Variants in RBFOX1 observed in about 807,000 individuals in gnomAD.
RBFOX1 encodes the protein RNA binding fox-1 homolog 1.
A neutral mutation model predicts 57.7 loss-of-function variants in RBFOX1; 8 were observed. That is an observed-to-expected ratio of 0.14 (90% CI 0.08 to 0.25). The LOEUF is 0.25. Ranked by LOEUF, RBFOX1 falls within the 10% of genes least tolerant of loss-of-function variation. RBFOX1 has a pLI of 1.00. For synonymous variants in RBFOX1, 326 were observed against 222.4 expected, an observed-to-expected ratio of 1.47 and a Z score of -4.15; for missense variants, 611 against 548.5, an observed-to-expected ratio of 1.11 and a Z score of -1.14.
chr16:5,740,516 A>G (rs546854490), intron 3 of RBFOX1, among the ~76,000 whole-genome samples: 10 of 152,364 alleles, frequency 6.6e-5, no homozygotes, highest in South Asian at 2.1e-4. Flanking sequence ...TTAGGACTCA[A>G]TTGATTACAC....
At chr16:6,368,001 G>A (rs184849355) in intron 2 of RBFOX1, among the ~76,000 whole-genome samples, 76 of 152,264 alleles carry the variant, frequency 5.0e-4, no homozygotes, top group African/African-American at 1.7e-3. Context: ...ATCCATTTGT[G>A]TCTTGATTTG....
At chr16:5,323,631 G>T (rs2064476430) in intron 1 of RBFOX1, among the ~76,000 whole-genome samples, 1 of 152,256 alleles carries the variant, frequency 6.6e-6, no homozygotes, top group South Asian at 2.1e-4. Context: ...TAGCATGGAT[G>T]TGCTGGAAGC....
At chr16:6,610,366 C>T (rs768236296) in intron 2 of RBFOX1, among the ~76,000 whole-genome samples, 1 of 152,066 alleles carries the variant, frequency 6.6e-6, no homozygotes, top group Non-Finnish European at 1.5e-5. Context: ...ATCCCACTAT[C>T]ACCCAGGCTG....
In RBFOX1 at chr16:7,571,716, A is replaced by G. The variant is rs574578129; in HGVS notation, c.271-8061A>G. ...TGAGCTTATCAGGGAAGCTCTGCCA[A>G]GTGCCGCCTGGAAACCCACCTCTTG... On this transcript the variant is annotated intron_variant, in intron 5 of 15. Coordinates refer to ENST00000550418, the MANE Select transcript of RBFOX1 (RefSeq NM_018723.4). Among the ~76,000 whole-genome samples the G allele has an allele frequency of 2.6e-5, 4 of 152,194 alleles. No individual in the cohort carries two copies. In the East Asian group the frequency reaches 7.7e-4, roughly 29 times the overall value.
intron 2 of RBFOX1, among the ~76,000 whole-genome samples, chr16:6,485,384 G>C (rs2095455111): frequency 6.6e-6 from 1 of 151,732 alleles, no homozygotes; most frequent in Non-Finnish European, 1.5e-5. Context: ...CTCCCTCTGG[G>C]TATTTCTTCC....
At chr16:7,247,882 C>T (rs1012774106) in intron 4 of RBFOX1, among the ~76,000 whole-genome samples, 21 of 151,968 alleles carry the variant, frequency 1.4e-4, no homozygotes, top group African/African-American at 4.6e-4. Flanking sequence ...ACACTGGGGC[C>T]TATCAGAGGG....
intron 1 of RBFOX1, among the ~76,000 whole-genome samples, chr16:6,158,808 C>G (rs1358290718): frequency 6.6e-6 from 1 of 152,108 alleles, no homozygotes; most frequent in African/African-American, 2.4e-5. Flanking sequence ...GAGGGCACGT[C>G]TGGGAATTTG....
intron 2 of RBFOX1, among the ~76,000 whole-genome samples, chr16:6,591,303 G>T (rs1323257550): frequency 6.6e-6 from 1 of 152,000 alleles, no homozygotes; most frequent in Non-Finnish European, 1.5e-5. Context: ...TATTTTTTAA[G>T]TATTAGCCGG....
chr16:6,777,907 C>CT, intron 3 of RBFOX1, among the ~76,000 whole-genome samples: 1 of 152,112 alleles, frequency 6.6e-6, no homozygotes, highest in Admixed American at 6.6e-5. Flanking sequence ...ATTGAAATGA[C>CT]TTTTTCTGAG....
intron 4 of RBFOX1, among the ~76,000 whole-genome samples, chr16:7,323,810 G>C (rs1372618294): frequency 6.6e-6 from 1 of 152,206 alleles, no homozygotes; most frequent in Non-Finnish European, 1.5e-5. Context: ...TAGGAGGAAG[G>C]AATGAAGAAG....
chr16:5,537,263 T>C (rs1377700842), intron 2 of RBFOX1, among the ~76,000 whole-genome samples: 1 of 152,208 alleles, frequency 6.6e-6, no homozygotes, highest in Non-Finnish European at 1.5e-5. Flanking sequence ...CTCAGAATTC[T>C]TTTAGTTTCT....
intron 2 of RBFOX1, among the ~76,000 whole-genome samples, chr16:6,334,507 CAAA>C (rs35514991): frequency 2.6e-5 from 3 of 115,952 alleles, no homozygotes; most frequent in Admixed American, 9.4e-5. Context: ...GATAGCATCT[CAAA>C]AAAAAAAAAA....
intron 2 of RBFOX1, among the ~76,000 whole-genome samples, chr16:6,554,316 A>G (rs923573456): frequency 6.6e-6 from 1 of 152,314 alleles, no homozygotes; most frequent in East Asian, 1.9e-4. Context: ...TTCTGCTCCC[A>G]TCCCCGTGAA....
rs539339383 is a variant in RBFOX1, at chr16:7,256,591, T to A, written c.27+204493T>A. 4.6e-5 allele frequency among the ~76,000 whole-genome samples: 7 copies of A among 152,358 alleles called. 1 individual carries two copies. In the South Asian group the frequency reaches 1.5e-3, roughly 32 times the overall value. On this transcript the variant is annotated intron_variant, in intron 4 of 15. Transcript: ENST00000550418. ...ACCATGTAAACTGTGTGTGCGTTGA[T>A]GTATGGTGGCCTTCTGGATGGCCAC...
At chr16:6,080,312 A>G (rs1019346168) in intron 1 of RBFOX1, among the ~76,000 whole-genome samples, 2 of 152,088 alleles carry the variant, frequency 1.3e-5, no homozygotes, top group East Asian at 3.9e-4. Context: ...GCTTCACATG[A>G]ATCAGAGAAC....
chr16:7,363,437 AAC>A (rs1202990373), intron 4 of RBFOX1, among the ~76,000 whole-genome samples: 1 of 152,132 alleles, frequency 6.6e-6, no homozygotes, highest in Non-Finnish European at 1.5e-5. Flanking sequence ...GAGCCGTTAG[AAC>A]AGTGTCTGAG....
chr16:5,616,970 T>G (rs1273868819), intron 3 of RBFOX1, among the ~76,000 whole-genome samples: 1 of 146,776 alleles, frequency 6.8e-6, no homozygotes, highest in African/African-American at 2.5e-5. Context: ...GGCAGTACCC[T>G]TATTTGTTCC....
intron 2 of RBFOX1, among the ~76,000 whole-genome samples, chr16:5,536,063 C>G (rs1439209154): frequency 4.6e-5 from 7 of 151,826 alleles, no homozygotes; most frequent in African/African-American, 1.7e-4. Context: ...CTTTTGCCTG[C>G]CAGGTAGGCT....
chr16:7,394,190 C>T (rs951622109), intron 4 of RBFOX1, among the ~76,000 whole-genome samples: 1 of 119,624 alleles, frequency 8.4e-6, no homozygotes, highest in Non-Finnish European at 1.6e-5. Flanking sequence ...GAGCCAAGAT[C>T]GTGCTACTGC....
Sources: allele counts gnomAD v4.1 joint callset (sites outside exome capture counted in the v4.1 genomes callset), GRCh38; gene constraint gnomAD v4.1.1; transcripts MANE v1.5; gene names NCBI Gene and HGNC (gene_info 2026-07-23, HGNC 2026-07-21).